PRDM16: variants seen among roughly 807,000 people sequenced by gnomAD.
The protein encoded by PRDM16 is PR/SET domain 16, also known as histone-lysine N-methyltransferase PRDM16.
A neutral mutation model predicts 110.6 loss-of-function variants in PRDM16; 23 were observed. The observed-to-expected ratio is 0.21, with a 90% confidence interval of 0.15 to 0.29. The LOEUF (loss-of-function observed/expected upper bound fraction) is 0.29, where lower values mean the gene tolerates loss of function less well. Ranked by LOEUF, PRDM16 falls within the 10% of genes least tolerant of loss-of-function variation. The pLI is 1.00. For synonymous variants in PRDM16, 799 were observed against 781.8 expected, an observed-to-expected ratio of 1.02 and a Z score of -0.37; for missense variants, 1,615 against 1,794.3, an observed-to-expected ratio of 0.90 and a Z score of 1.81.
intron 1 of PRDM16, among the ~76,000 whole-genome samples, chr1:3,078,488 G>A (rs1011756134): frequency 2.0e-5 from 3 of 152,204 alleles, no homozygotes; most frequent in Non-Finnish European, 4.4e-5. Flanking sequence ...TGAGGCTCAG[G>A]GCCTCCTCTC....
At position 3,436,835 on chromosome 1, in the gene PRDM16, G is replaced by A. The variant is rs1337791730; in HGVS notation, c.*3024G>A. On this transcript the variant is annotated 3_prime_UTR_variant, in exon 17 of 17. Coordinates refer to ENST00000270722, the MANE Select transcript of PRDM16 (RefSeq NM_022114.4). ...CAGGTGGCCAGGGTCAGGGCTGCAA[G>A]CCAGGGGTCCAGGGCCCTTCCGTTC... 1.3e-5 allele frequency: 3 copies of A among 233,170 alleles called. No individual in the cohort carries two copies. Among genetic ancestry groups the A allele is most frequent in the Non-Finnish European group, 2.5e-5 (3 of 118,048 alleles). 14.4% of individuals were successfully genotyped at this position (233,170 alleles called of 1,614,324 possible). A position where few individuals can be genotyped will look rare whatever the true frequency, so the allele number is the denominator to read the frequency against.
intron 3 of PRDM16, among the ~76,000 whole-genome samples, chr1:3,321,759 G>C (rs978931343): frequency 6.7e-6 from 1 of 150,216 alleles, no homozygotes; most frequent in African/African-American, 2.5e-5. Context: ...CACAATGTGT[G>C]TTTGTGTATG....
At chr1:3,159,454 C>T (rs1015204131) in intron 1 of PRDM16, among the ~76,000 whole-genome samples, 1 of 152,252 alleles carries the variant, frequency 6.6e-6, no homozygotes, top group African/African-American at 2.4e-5. Context: ...GGTGTCCTCA[C>T]AGGGCCTTCC....
intron 3 of PRDM16, among the ~76,000 whole-genome samples, chr1:3,318,809 C>A (rs1468794407): frequency 2.0e-5 from 3 of 152,176 alleles, no homozygotes; most frequent in Admixed American, 2.0e-4. Context: ...AGGGCTTTTC[C>A]CCCTGCCTAT....
chr1:3,220,776 C>T (rs540745961), intron 2 of PRDM16, among the ~76,000 whole-genome samples: 1 of 152,150 alleles, frequency 6.6e-6, no homozygotes, highest in Admixed American at 6.5e-5. Flanking sequence ...GTGCAGGGCT[C>T]GTGCATCTGC....
At chr1:3,083,425 G>C (rs1190291989) in intron 1 of PRDM16, among the ~76,000 whole-genome samples, 1 of 152,354 alleles carries the variant, frequency 6.6e-6, no homozygotes. Flanking sequence ...TCCTGGGGCT[G>C]ACCTGGAAGC....
intron 3 of PRDM16, among the ~76,000 whole-genome samples, chr1:3,285,445 T>C (rs974179686): frequency 6.6e-6 from 1 of 152,144 alleles, no homozygotes; most frequent in African/African-American, 2.4e-5. Flanking sequence ...TGAGCAGCCC[T>C]GCCACAGCCG....
At chr1:3,218,666 C>T (rs1397303811) in intron 2 of PRDM16, among the ~76,000 whole-genome samples, 1 of 152,206 alleles carries the variant, frequency 6.6e-6, no homozygotes, top group East Asian at 1.9e-4. Flanking sequence ...GATGCTTCCT[C>T]CCCTTATCCA....
In PRDM16 at chr1:3,070,646, C is replaced by T. The variant is rs1570191236; in HGVS notation, c.37+1350C>T. 2.0e-5 allele frequency among the ~76,000 whole-genome samples: 3 copies of T among 151,758 alleles called. No homozygotes were observed. In the East Asian group the frequency reaches 5.9e-4, roughly 30 times the overall value. ...CGGGGCCGGGTCCCTCCAGGCCGGC[C>T]TCGCAGCTCCCGGGGCCGAGCCCCC... On this transcript the variant is annotated intron_variant, in intron 1 of 16. Transcript: ENST00000270722.
At chr1:3,092,604 C>T (rs1435158177) in intron 1 of PRDM16, among the ~76,000 whole-genome samples, 3 of 152,250 alleles carry the variant, frequency 2.0e-5, no homozygotes, top group Admixed American at 6.5e-5. Flanking sequence ...CACACTGCAT[C>T]CCCCTCAGGC....
At chr1:3,198,102 G>A (rs1638526068) in intron 2 of PRDM16, among the ~76,000 whole-genome samples, 1 of 152,194 alleles carries the variant, frequency 6.6e-6, no homozygotes, top group Non-Finnish European at 1.5e-5. Context: ...AACTCCTGTG[G>A]GCTGCCTGTC....
chr1:3,121,419 G>C (rs1006904473), intron 1 of PRDM16, among the ~76,000 whole-genome samples: 1 of 152,264 alleles, frequency 6.6e-6, no homozygotes, highest in African/African-American at 2.4e-5. Flanking sequence ...TTTCAGGACC[G>C]GGCTCAGAAA....
chr1:3,294,177 C>A (rs538458198), intron 3 of PRDM16, among the ~76,000 whole-genome samples: 1 of 152,106 alleles, frequency 6.6e-6, no homozygotes, highest in South Asian at 2.1e-4. Context: ...GGTAAACAGG[C>A]GAAACCTAGA....
At chr1:3,167,472 G>T (rs1290893449) in intron 1 of PRDM16, among the ~76,000 whole-genome samples, 2 of 152,052 alleles carry the variant, frequency 1.3e-5, no homozygotes, top group Non-Finnish European at 2.9e-5. Context: ...CTCATGTGCA[G>T]CCGGGGCGAA....
rs181098709 is a variant in PRDM16 at position 3,269,660 on chromosome 1, G to A, written c.438+25523G>A. Among the ~76,000 whole-genome samples the A allele has an allele frequency of 9.6e-3, 966 of 101,118 alleles. 36 individuals are homozygous for A. Among genetic ancestry groups the A allele is most frequent in the Non-Finnish European group, 1.9e-3 (104 of 55,522 alleles). The allele number at this position is 101,118 out of a possible 152,430, so 66.3% of individuals were successfully genotyped here. On this transcript the variant is annotated intron_variant, in intron 3 of 16. Coordinates refer to ENST00000270722, the MANE Select transcript of PRDM16 (RefSeq NM_022114.4). ...AGTCCCGGAGGAGGACAGTTGGGAG[G>A]AGGACAGTCCCAGAGTAGGACAGTT... is the stretch of plus-strand genomic sequence containing the variant.
At chr1:3,428,296 G>A (rs577705123) in intron 14 of PRDM16, among the ~76,000 whole-genome samples, 25 of 151,414 alleles carry the variant, frequency 1.7e-4, no homozygotes, top group Non-Finnish European at 2.7e-4. Flanking sequence ...CCAGGACCCC[G>A]AGCTAGGGTG....
At chr1:3,123,020 A>G (rs2100665744) in intron 1 of PRDM16, among the ~76,000 whole-genome samples, 1 of 152,254 alleles carries the variant, frequency 6.6e-6, no homozygotes, top group Non-Finnish European at 1.5e-5. Context: ...GGTGGGAAGA[A>G]ACCTCCTTGA....
At chr1:3,303,733 C>T (rs58607429) in intron 3 of PRDM16, among the ~76,000 whole-genome samples, 3 of 152,216 alleles carry the variant, frequency 2.0e-5, no homozygotes, top group Non-Finnish European at 4.4e-5. Flanking sequence ...GCCTGTCTTT[C>T]GGACCGCAGC....
At chr1:3,394,706 A>G (rs2493251) in intron 4 of PRDM16, among the ~76,000 whole-genome samples, 18,293 of 152,206 alleles carry the variant, frequency 0.12, 1,301 homozygotes, top group African/African-American at 0.2. Context: ...GCCTGCTACA[A>G]TGCCACTCAC....
Sources: allele counts gnomAD v4.1 joint callset (sites outside exome capture counted in the v4.1 genomes callset), GRCh38; gene constraint gnomAD v4.1.1; transcripts MANE v1.5; gene names NCBI Gene and HGNC (gene_info 2026-07-23, HGNC 2026-07-21).